The following CNR2 variants were observed in gnomAD, a reference collection of about 807,000 sequenced individuals.
CNR2 encodes the protein cannabinoid receptor 2, also known as cannabinoid receptor 2 (macrophage).
For synonymous variants in CNR2, 172 were observed against 182.2 expected, an observed-to-expected ratio of 0.94 and a Z score of 0.45; for missense variants, 379 against 439.9, an observed-to-expected ratio of 0.86 and a Z score of 1.24.
intron 1 of CNR2, 22 bp from the exon 2 acceptor site, chr1:23,875,684 A>T: frequency 6.6e-7 from 1 of 1,508,964 alleles, no homozygotes; most frequent in South Asian, 1.3e-5. Context: ...TGAGAAGAAG[A>T]AAATAATCTT....
chr1:23,905,128 ACC>A (rs1346289753), intron 1 of CNR2, among the ~76,000 whole-genome samples: 2 of 151,938 alleles, frequency 1.3e-5, no homozygotes, highest in Non-Finnish European at 2.9e-5. Flanking sequence ...CTGAAATTGC[ACC>A]TACTGTATAC....
At chr1:23,900,899 T>TC (rs1640387884) in intron 1 of CNR2, among the ~76,000 whole-genome samples, 1 of 152,166 alleles carries the variant, frequency 6.6e-6, no homozygotes, top group African/African-American at 2.4e-5. Context: ...TCTCTGATCC[T>TC]CGAATGCTGG....
intron 1 of CNR2, among the ~76,000 whole-genome samples, chr1:23,886,131 G>A (rs1640085068): frequency 1.3e-5 from 2 of 150,156 alleles, no homozygotes; most frequent in South Asian, 2.1e-4. Context: ...AGAGATTTCA[G>A]TGAGCCAAGA....
At chr1:23,886,898 T>C (rs1217931101) in intron 1 of CNR2, among the ~76,000 whole-genome samples, 215 of 14,336 alleles carry the variant, frequency 0.015, no homozygotes, top group African/African-American at 0.052. Context: ...GTTTTTTTGT[T>C]TTTTTTGTTT....
At chr1:23,882,710 C>T (rs1306024325) in intron 1 of CNR2, among the ~76,000 whole-genome samples, 1 of 150,346 alleles carries the variant, frequency 6.7e-6, no homozygotes, top group Non-Finnish European at 1.5e-5. Flanking sequence ...ATCCCAGCTA[C>T]TTGGGAGGCA....
chr1:23,903,759 T>C (rs1461360427), intron 1 of CNR2, among the ~76,000 whole-genome samples: 2 of 152,038 alleles, frequency 1.3e-5, no homozygotes, highest in Non-Finnish European at 2.9e-5. Flanking sequence ...CAATAGCTAG[T>C]TGTGTAAAAT....
At chr1:23,892,597 T>G (rs1329157588) in intron 1 of CNR2, among the ~76,000 whole-genome samples, 1 of 152,222 alleles carries the variant, frequency 6.6e-6, no homozygotes, top group Non-Finnish European at 1.5e-5. Context: ...AGTGTGGAAG[T>G]GCAGTCACAG....
intron 1 of CNR2, chr1:23,901,619 T>C: frequency 8.2e-6 from 13 of 1,585,578 alleles, no homozygotes; most frequent in Non-Finnish European, 1.1e-5. Flanking sequence ...GTTGCTGCCG[T>C]CCAGAACAGC....
At chr1:23,888,861 C>T (rs971613818) in intron 1 of CNR2, among the ~76,000 whole-genome samples, 1 of 151,850 alleles carries the variant, frequency 6.6e-6, no homozygotes, top group Non-Finnish European at 1.5e-5. Flanking sequence ...CCCAGCTATT[C>T]GGGAGGCTGA....
intron 1 of CNR2, among the ~76,000 whole-genome samples, chr1:23,879,760 C>T (rs946399774): frequency 1.3e-5 from 2 of 152,132 alleles, no homozygotes; most frequent in Non-Finnish European, 2.9e-5. Flanking sequence ...GGCATCATCT[C>T]TTATCTGGTT....
intron 1 of CNR2, among the ~76,000 whole-genome samples, chr1:23,889,814 C>A (rs1640154540): frequency 6.6e-6 from 1 of 152,198 alleles, no homozygotes; most frequent in Admixed American, 6.5e-5. Flanking sequence ...CCTCTCTGAG[C>A]CTCTGTTTCA....
rs1639766681 is a variant in CNR2, at chr1:23,871,610, T to C, written c.*2925A>G. On this transcript the variant is annotated 3_prime_UTR_variant, in exon 2 of 2. Coordinates refer to ENST00000374472, the MANE Select transcript of CNR2 (RefSeq NM_001841.3). ...GAGGTCAACCTGGAGCTCATCTTGT[T>C]GAGGGAGGATAAACTAGTGACTGCC... 1 of 152,196 alleles carries C rather than the reference T, an allele frequency of 6.6e-6. No homozygotes were observed. The allele number at this position is 152,196 out of a possible 1,614,324, so 9.4% of individuals were successfully genotyped here. A position where few individuals can be genotyped will look rare whatever the true frequency, so the allele number is the denominator to read the frequency against.
chr1:23,888,398 C>T (rs1640127269), intron 1 of CNR2, among the ~76,000 whole-genome samples: 1 of 152,064 alleles, frequency 6.6e-6, no homozygotes, highest in Admixed American at 6.6e-5. Context: ...CCTTGAGATG[C>T]CAAATGGGCT....
At position 23,874,911 on chromosome 1, in the gene CNR2, C is replaced by T. The variant is rs567833720; in HGVS notation, c.707G>A (p.Arg236Gln). Residue 236 changes from arginine to glutamine, a missense_variant, in exon 2 of 2, where the codon CGA becomes CAA. By Grantham distance (43) the Arg-to-Gln change is conservative. Coordinates refer to ENST00000374472, the MANE Select transcript of CNR2 (RefSeq NM_001841.3). ...GGCCAACCTCACATCCAGCCTCATT[C>T]GGGCCATTCCTGGCACCTGCCTGTC... is the stretch of plus-strand genomic sequence containing the variant. ...HQDRQVPGMA[R>Q]MRLDVRLAKT... 52 of 1,613,636 alleles carry T rather than the reference C, an allele frequency of 3.2e-5. No individual in the cohort carries two copies. The highest frequency in any genetic ancestry group is 3.9e-5 in the Non-Finnish European group (46 of 1,179,812).
intron 1 of CNR2, among the ~76,000 whole-genome samples, chr1:23,905,469 C>T (rs369158887): frequency 1.3e-5 from 2 of 150,914 alleles, no homozygotes; most frequent in Admixed American, 6.6e-5. Flanking sequence ...CATGAGCCAC[C>T]GCGCCCAGCC....
chr1:23,891,635 A>AAAAAAAG (rs58607626), intron 1 of CNR2, among the ~76,000 whole-genome samples: 5 of 130,996 alleles, frequency 3.8e-5, no homozygotes, highest in South Asian at 4.8e-4. Context: ...AAAAAAAAAA[A>AAAAAAAG]AAAGCCCAAA....
At chr1:23,888,856 C>CT (rs1640136495) in intron 1 of CNR2, among the ~76,000 whole-genome samples, 1 of 152,010 alleles carries the variant, frequency 6.6e-6, no homozygotes, top group Non-Finnish European at 1.5e-5. Flanking sequence ...GTAATCCCAG[C>CT]TATTCGGGAG....
In CNR2 at chr1:23,874,118, A is replaced by G. The variant is rs1030466699; in HGVS notation, c.*417T>C. ...AGGAGGCCTTGACAATTAGGCAGAG[A>G]GAAGACCTGGATGTCCATCCCATCT... On this transcript the variant is annotated 3_prime_UTR_variant, in exon 2 of 2. Transcript: ENST00000374472. 4 of 175,444 alleles carry G rather than the reference A, an allele frequency of 2.3e-5. No individual in the cohort carries two copies. The highest frequency in any genetic ancestry group is 7.1e-5 in the African/African-American group (3 of 42,304). 10.9% of individuals were successfully genotyped at this position (175,444 alleles called of 1,614,324 possible).
rs146315319 is a variant in CNR2 at position 23,911,641 on chromosome 1, G to A, written c.-46+1605C>T. Among the ~76,000 whole-genome samples, 458 of 152,278 alleles carry A rather than the reference G, an allele frequency of 3.0e-3. 4 individuals carry two copies. The highest frequency in any genetic ancestry group is 0.01 in the African/African-American group (428 of 41,556). Reference sequence around the variant, plus strand: ...AAGATCAATTTATGCACACCCGAGGGTGTGCAGTAAGAGTGACTGGTACTG... The same window carrying A: ...AAGATCAATTTATGCACACCCGAGGATGTGCAGTAAGAGTGACTGGTACTG... On this transcript the variant is annotated intron_variant, in intron 1 of 1. Transcript: ENST00000374472.
Sources: allele counts gnomAD v4.1 joint callset (sites outside exome capture counted in the v4.1 genomes callset), GRCh38; gene constraint gnomAD v4.1.1; transcripts MANE v1.5; gene names NCBI Gene and HGNC (gene_info 2026-07-23, HGNC 2026-07-21).